The following MED12L variants were observed in gnomAD, a reference collection of about 807,000 sequenced individuals.
MED12L encodes mediator of RNA polymerase II transcription subunit 12-like protein.
MED12L carries 60 observed loss-of-function variants against 281.3 expected under a neutral mutation model. The observed-to-expected ratio is 0.21, with a 90% CI of 0.17 to 0.26. MED12L has a LOEUF of 0.26. Ranked by LOEUF, MED12L falls within the 10% of genes least tolerant of loss-of-function variation. MED12L has a pLI of 1.00. For synonymous variants in MED12L, 974 were observed against 987.2 expected, an observed-to-expected ratio of 0.99 and a Z score of 0.25; for missense variants, 2,146 against 2,680.9, an observed-to-expected ratio of 0.80 and a Z score of 4.41.
chr3:151,103,358 T>C (rs1290998313), intron 2 of MED12L, among the ~76,000 whole-genome samples: 1 of 152,168 alleles, frequency 6.6e-6, no homozygotes, highest in Non-Finnish European at 1.5e-5. Flanking sequence ...GTGGAGTAAA[T>C]GCTAAGTATA....
chr3:151,109,126 C>T (rs922534151), intron 2 of MED12L, among the ~76,000 whole-genome samples: 42 of 151,408 alleles, frequency 2.8e-4, no homozygotes, highest in Non-Finnish European at 5.3e-4. Context: ...GGCGCAATCT[C>T]GGCTCACTGC....
intron 16 of MED12L, among the ~76,000 whole-genome samples, chr3:151,243,464 A>T (rs1330325478): frequency 2.0e-5 from 3 of 152,198 alleles, no homozygotes; most frequent in Non-Finnish European, 4.4e-5. Flanking sequence ...CCAATATTCA[A>T]CATTCTTAAA....
At chr3:151,425,992 G>A (rs1223488483) in intron 43 of MED12L, among the ~76,000 whole-genome samples, 1 of 152,142 alleles carries the variant, frequency 6.6e-6, no homozygotes, top group African/African-American at 2.4e-5. Flanking sequence ...CTTCTGTATG[G>A]ATATGGGCCA....
chr3:151,149,037 A>T (rs1718117276), intron 5 of MED12L, among the ~76,000 whole-genome samples: 1 of 151,958 alleles, frequency 6.6e-6, no homozygotes, highest in South Asian at 2.1e-4. Flanking sequence ...AAAAGAAATA[A>T]GTTTGTTTCA....
chr3:151,269,426 C>A (rs1740454410), intron 16 of MED12L: 2 of 204,524 alleles, frequency 9.8e-6, no homozygotes, highest in African/African-American at 4.9e-5. Context: ...CACACACACA[C>A]ACACACACAC....
chr3:151,404,503 A>G (rs534333890), intron 39 of MED12L, among the ~76,000 whole-genome samples: 2 of 152,354 alleles, frequency 1.3e-5, no homozygotes, highest in South Asian at 2.1e-4. Flanking sequence ...ATAAACCAGT[A>G]TGATGTAATG....
At chr3:151,198,949 C>T in intron 16 of MED12L, 1 of 1,613,906 alleles carries the variant, frequency 6.2e-7, no homozygotes. Flanking sequence ...TATTTGGCAC[C>T]ATTATAAGAA....
At chr3:151,115,922 G>A (rs1200322316) in intron 2 of MED12L, among the ~76,000 whole-genome samples, 5 of 151,538 alleles carry the variant, frequency 3.3e-5, no homozygotes, top group South Asian at 2.1e-4. Context: ...GCCGGGCATC[G>A]TGGCAGGCGA....
In MED12L at chr3:151,432,898, T is replaced by G; in HGVS notation, c.*94T>G. On this transcript the variant is annotated 3_prime_UTR_variant, in exon 45 of 45. Transcript: ENST00000687756. ...TAGTCATCTTAAAAATGTCCCTTTT[T>G]TTCATTTCTTTGACATTTTACTATA... 1 of 933,738 alleles carries G rather than the reference T, an allele frequency of 1.1e-6. No individual in the cohort carries two copies. Among genetic ancestry groups the G allele is most frequent in the Non-Finnish European group, 1.6e-6 (1 of 623,312 alleles). 57.8% of individuals were successfully genotyped at this position (933,738 alleles called of 1,614,324 possible). A position where few individuals can be genotyped will look rare whatever the true frequency, so the allele number is the denominator to read the frequency against.
chr3:151,328,632 A>G lies in MED12L; in HGVS notation c.2251-21427A>G, dbSNP rs974375450. The G allele has an allele frequency of 2.5e-6, 4 of 1,613,848 alleles. No individual in the cohort carries two copies. The South Asian group carries it at 4.4e-5, about 18-fold the overall frequency. On this transcript the variant is annotated intron_variant, in intron 16 of 44. Coordinates refer to ENST00000687756, the MANE Select transcript of MED12L (RefSeq NM_001393769.1). ...CTCAAAGGTCTGATGATCTTGAGGA[A>G]TCTGTCAAAGGCTATGAGCCCTAAC...
At chr3:151,374,915 T>A (rs1221039876) in intron 27 of MED12L, among the ~76,000 whole-genome samples, 1 of 152,224 alleles carries the variant, frequency 6.6e-6, no homozygotes, top group Non-Finnish European at 1.5e-5. Flanking sequence ...CCCATATATT[T>A]GTTTTAAAAG....
At chr3:151,432,330 G>A (rs1283096033) in intron 44 of MED12L, among the ~76,000 whole-genome samples, 2 of 152,144 alleles carry the variant, frequency 1.3e-5, no homozygotes, top group Admixed American at 1.3e-4. Context: ...CATACCTTAT[G>A]GCTATTTGCA....
At chr3:151,351,996 T>G (rs1326199618) in intron 17 of MED12L, among the ~76,000 whole-genome samples, 1 of 152,228 alleles carries the variant, frequency 6.6e-6, no homozygotes, top group African/African-American at 2.4e-5. Context: ...TTATACGAAG[T>G]GCTTGGGACC....
chr3:151,111,617 C>A, intron 2 of MED12L, among the ~76,000 whole-genome samples: 1 of 152,228 alleles, frequency 6.6e-6, no homozygotes, highest in East Asian at 1.9e-4. Context: ...GGAACCACAA[C>A]TGCGAGCCAG....
chr3:151,259,719 C>T (rs911939559), intron 16 of MED12L, among the ~76,000 whole-genome samples: 14 of 152,224 alleles, frequency 9.2e-5, no homozygotes, highest in Non-Finnish European at 1.9e-4. Context: ...TGTATAAATA[C>T]TCTGTGTTAA....
chr3:151,341,719 C>T (rs547926709), intron 16 of MED12L, among the ~76,000 whole-genome samples: 5 of 151,596 alleles, frequency 3.3e-5, no homozygotes, highest in South Asian at 4.2e-4. Context: ...TAAAGCTATC[C>T]CTCCCCCATC....
At chr3:151,106,655 A>T (rs1028406894) in intron 2 of MED12L, among the ~76,000 whole-genome samples, 1 of 152,066 alleles carries the variant, frequency 6.6e-6, no homozygotes, top group Non-Finnish European at 1.5e-5. Context: ...TTTTCCCAAC[A>T]TTGCAGACTT....
chr3:151,297,360 T>A (rs1464423597), intron 16 of MED12L, among the ~76,000 whole-genome samples: 1 of 152,222 alleles, frequency 6.6e-6, no homozygotes, highest in Non-Finnish European at 1.5e-5. Context: ...TCTGCTTGAA[T>A]TAATTTACCC....
At chr3:151,304,041 A>G (rs941539534) in intron 16 of MED12L, among the ~76,000 whole-genome samples, 30 of 152,352 alleles carry the variant, frequency 2.0e-4, no homozygotes, top group Admixed American at 5.9e-4. Flanking sequence ...CAAAAAGGTC[A>G]TTGTTCATCT....
Sources: allele counts gnomAD v4.1 joint callset (sites outside exome capture counted in the v4.1 genomes callset), GRCh38; gene constraint gnomAD v4.1.1; transcripts MANE v1.5; gene names NCBI Gene and HGNC (gene_info 2026-07-23, HGNC 2026-07-21).